GCA: variants seen among roughly 807,000 people sequenced by gnomAD.
GCA encodes the protein grancalcin, EF-hand calcium-binding protein.
Under a neutral mutation model 32.6 loss-of-function variants are expected in GCA, and 30 were observed. The observed-to-expected ratio is 0.92, with a 90% CI of 0.69 to 1.25. GCA has a LOEUF of 1.25. GCA is among the 50% of genes most tolerant of loss of function. The pLI is 0.00. For synonymous variants in GCA, 102 were observed against 84.6 expected (o/e 1.21, Z -1.13); for missense variants, 291 against 266.8 (o/e 1.09, Z -0.63).
intron 4 of GCA, among the ~76,000 whole-genome samples, chr2:162,368,915 AATG>A (rs1255162701): frequency 6.6e-6 from 1 of 152,058 alleles, no homozygotes; most frequent in Non-Finnish European, 1.5e-5. Context: ...TATGGAGGAG[AATG>A]ATAAGTCTGT....
intron 3 of GCA, among the ~76,000 whole-genome samples, chr2:162,355,241 G>A (rs898295332): frequency 2.6e-5 from 4 of 151,964 alleles, no homozygotes; most frequent in Non-Finnish European, 4.4e-5. Context: ...TGTAACACAC[G>A]CCACCTTACT....
intron 5 of GCA, among the ~76,000 whole-genome samples, chr2:162,358,511 C>T (rs1056386637): frequency 1.3e-5 from 2 of 151,324 alleles, no homozygotes; most frequent in Non-Finnish European, 3.0e-5. Flanking sequence ...ATTATTATTA[C>T]AGTGTATGAA....
At chr2:162,344,311 C>G in intron 1 of GCA, 36 bp downstream of exon 1, 1 of 1,608,684 alleles carries the variant, frequency 6.2e-7, no homozygotes, top group Non-Finnish European at 8.5e-7. Flanking sequence ...CCCTCTTCCT[C>G]GCGGGGTGTG....
At chr2:162,341,278 T>TATAA (rs1230399681), upstream of GCA, among the ~76,000 whole-genome samples, 1 of 123,642 alleles carries the variant, frequency 8.1e-6, no homozygotes, top group Non-Finnish European at 1.6e-5. Context: ...TATATATATA[T>TATAA]ATATATATAT....
At chr2:162,354,414 T>C (rs935724655) in intron 3 of GCA, among the ~76,000 whole-genome samples, 5 of 152,188 alleles carry the variant, frequency 3.3e-5, no homozygotes, top group African/African-American at 9.6e-5. Context: ...TTGCCTTGCT[T>C]TTAGAAGATA....
chr2:162,373,518 T>C (rs1686041936), downstream of GCA: 1 of 1,578,276 alleles, frequency 6.3e-7, no homozygotes, highest in African/African-American at 1.4e-5. Flanking sequence ...ATGCTTCCGG[T>C]TGACTGGTTC....
downstream of GCA, among the ~76,000 whole-genome samples, chr2:162,373,103 G>A (rs779107357): frequency 2.6e-5 from 4 of 151,898 alleles, no homozygotes; most frequent in Non-Finnish European, 5.9e-5. Flanking sequence ...AGCTCTTTTG[G>A]GACCCAGATT....
downstream of GCA, among the ~76,000 whole-genome samples, chr2:162,367,218 C>A (rs576511614): frequency 6.6e-6 from 1 of 151,880 alleles, no homozygotes; most frequent in African/African-American, 2.4e-5. Flanking sequence ...CACATTGAGT[C>A]CCCTGCCATT....
downstream of GCA, chr2:162,373,593 G>T (rs767809489): frequency 6.3e-7 from 1 of 1,578,802 alleles, no homozygotes; most frequent in Non-Finnish European, 8.6e-7. Flanking sequence ...AGGCTGGGGG[G>T]ACCACAGTGG....
At chr2:162,359,625 C>A in intron 7 of GCA, 73 bp downstream of exon 7, 2 of 689,608 alleles carry the variant, frequency 2.9e-6, no homozygotes, top group South Asian at 2.0e-5. Flanking sequence ...TTAAGTGATC[C>A]CAAGTACCAG....
chr2:162,354,974 G>A (rs1280138129), intron 3 of GCA, among the ~76,000 whole-genome samples: 1 of 152,136 alleles, frequency 6.6e-6, no homozygotes, highest in African/African-American at 2.4e-5. Context: ...TGCTGATTCA[G>A]TTTTAGCGAT....
At chr2:162,368,906 A>G (rs1053888816) in intron 4 of GCA, among the ~76,000 whole-genome samples, 1 of 152,036 alleles carries the variant, frequency 6.6e-6, no homozygotes, top group Admixed American at 6.6e-5. Flanking sequence ...TGACTCCCCT[A>G]TGGAGGAGAA....
intron 1 of GCA, among the ~76,000 whole-genome samples, chr2:162,329,814 C>T (rs1359886142): frequency 6.6e-6 from 1 of 152,070 alleles, no homozygotes; most frequent in Non-Finnish European, 1.5e-5. Flanking sequence ...CGTTATTTTT[C>T]ATGATCTTTT....
chr2:162,348,244 T>C (rs556172292), intron 2 of GCA, among the ~76,000 whole-genome samples: 1 of 152,266 alleles, frequency 6.6e-6, no homozygotes, highest in South Asian at 2.1e-4. Flanking sequence ...AAAATGACTA[T>C]TGGAAATTTT....
At chr2:162,318,889 C>T (rs933644897), upstream of GCA, 1 of 208,508 alleles carries the variant, frequency 4.8e-6, no homozygotes, top group Non-Finnish European at 1.0e-5. Flanking sequence ...CAAAGCTCCT[C>T]CGGCGGATAT....
upstream of GCA, among the ~76,000 whole-genome samples, chr2:162,343,430 A>T (rs1684514575): frequency 6.6e-6 from 1 of 152,258 alleles, no homozygotes; most frequent in Admixed American, 6.5e-5. Flanking sequence ...ATAAACAGCA[A>T]ATAAGTTTTT....
rs1453321925 is a variant in GCA at position 162,361,473 on chromosome 2, G to T, written c.*1230G>T. 1 of 974,542 alleles carries T rather than the reference G, an allele frequency of 1.0e-6. No individual in the cohort carries two copies. The highest frequency in any genetic ancestry group is 1.2e-6 in the Non-Finnish European group (1 of 820,422). The allele number at this position is 974,542 out of a possible 1,614,324, so 60.4% of individuals were successfully genotyped here. ...CAGTGAGTGACATAATTTTATGACT[G>T]CTGACCAAATTAATTTATAGATTTT... is the stretch of plus-strand genomic sequence containing the variant. On this transcript the variant is annotated 3_prime_UTR_variant, in exon 8 of 8. Coordinates refer to ENST00000437150, the MANE Select transcript of GCA (RefSeq NM_012198.5).
rs964144218 is a variant in GCA at position 162,351,849 on chromosome 2, G to A, written c.193-489G>A. Among the ~76,000 whole-genome samples, 5 of 152,096 alleles carry A rather than the reference G, an allele frequency of 3.3e-5. No homozygotes were observed. The East Asian group carries it at 9.6e-4, about 29-fold the overall frequency. Reference sequence around the variant, plus strand: ...AGTTCAGGCAAGACTTGTTTGGGCAGTAATCAGAAGAATAGCAGCAAGATA... The same window carrying A: ...AGTTCAGGCAAGACTTGTTTGGGCAATAATCAGAAGAATAGCAGCAAGATA... On this transcript the variant is annotated intron_variant, in intron 2 of 7. Transcript: ENST00000437150.
chr2:162,371,862 C>G, downstream of GCA: 3 of 1,611,906 alleles, frequency 1.9e-6, no homozygotes, highest in Non-Finnish European at 2.5e-6. Context: ...CAGAAACATG[C>G]CTATGAAGAC....
Sources: gnomAD v4.1 joint callset for allele counts (sites outside exome capture counted in the v4.1 genomes callset) on GRCh38, gnomAD v4.1.1 for gene constraint, MANE v1.5 for transcripts, NCBI Gene and HGNC (gene_info 2026-07-23, HGNC 2026-07-21) for gene names.